Variants in EEA1 observed in about 807,000 individuals in gnomAD.
EEA1 encodes early endosome antigen 1.
EEA1 carries 111 observed loss-of-function variants against 209.2 expected under a neutral mutation model. The ratio of observed to expected loss-of-function variants is 0.53; its 90% CI spans 0.45 to 0.62. The LOEUF is 0.62. EEA1 is among the 20% of genes least tolerant of loss of function. The pLI, the probability that EEA1 is intolerant of heterozygous loss-of-function variation, is 0.00. For synonymous variants in EEA1, 536 were observed against 540.6 expected, an observed-to-expected ratio of 0.99 and a Z score of 0.12; for missense variants, 1,343 against 1,530.8, an observed-to-expected ratio of 0.88 and a Z score of 2.05.
intron 10 of EEA1, among the ~76,000 whole-genome samples, chr12:92,834,546 TAAAAAAAAAA>T: frequency 1.3e-5 from 1 of 74,430 alleles, no homozygotes; most frequent in African/African-American, 5.5e-5. Flanking sequence ...ACCCTGTCAC[TAAAAAAAAAA>T]AAAAAAAAAA....
chr12:92,789,445 ATATCCATGTATCTTCCTGATG>A (rs1239279731), intron 21 of EEA1, among the ~76,000 whole-genome samples: 1 of 152,092 alleles, frequency 6.6e-6, no homozygotes, highest in Non-Finnish European at 1.5e-5. Context: ...CTGGGTTCTT[ATATCCATGTATCTTCCTGATG>A]TCTCCACTTG....
chr12:92,776,015 C>G lies in EEA1; in HGVS notation c.4232G>C (p.Gly1411Ala), dbSNP rs369566982. 27 of 1,610,088 alleles carry G rather than the reference C, an allele frequency of 1.7e-5. No individual in the cohort carries two copies. The highest frequency in any genetic ancestry group is 2.3e-5 in the Non-Finnish European group (27 of 1,177,710). The change falls in exon 29 of 29, where the codon GGA (glycine) becomes GCA (alanine). Residue 1411 changes from glycine to alanine, a missense_variant. Coordinates refer to ENST00000322349, the MANE Select transcript of EEA1 (RefSeq NM_003566.4). The part of the protein sequence containing the change: ...VCDACFNDLQ[G>A] Reference sequence around the variant, plus strand: ...CTCTGAAGTTGTGATAACCCATTATCCTTGCAAGTCATTGAAACATGCATC... The same window carrying G: ...CTCTGAAGTTGTGATAACCCATTATGCTTGCAAGTCATTGAAACATGCATC...
intron 1 of EEA1, among the ~76,000 whole-genome samples, chr12:92,898,765 CA>C (rs1286375335): frequency 2.4e-5 from 2 of 83,622 alleles, no homozygotes; most frequent in South Asian, 4.2e-4. Flanking sequence ...TTTTTAGAGA[CA>C]GGGGTCTCAG....
At chr12:92,887,888 A>G (rs1879481243) in intron 2 of EEA1, among the ~76,000 whole-genome samples, 1 of 152,172 alleles carries the variant, frequency 6.6e-6, no homozygotes, top group Non-Finnish European at 1.5e-5. Flanking sequence ...GAATTTTCCA[A>G]AACACTTCAA....
intron 2 of EEA1, among the ~76,000 whole-genome samples, chr12:92,887,730 G>C (rs1166661599): frequency 2.0e-5 from 3 of 152,110 alleles, no homozygotes; most frequent in African/African-American, 7.2e-5. Context: ...CCCCAACTTA[G>C]AATAGTTTGA....
chr12:92,828,371 A>G (rs1876420923), intron 11 of EEA1, among the ~76,000 whole-genome samples: 1 of 152,104 alleles, frequency 6.6e-6, no homozygotes, highest in South Asian at 2.1e-4. Flanking sequence ...GGAACTTAAA[A>G]GAATAAAATA....
chr12:92,781,982 A>G lies in EEA1; in HGVS notation c.3304T>C (p.Cys1102Arg), dbSNP rs1873925250. The G allele has an allele frequency of 2.5e-6, 4 of 1,613,214 alleles. No individual in the cohort carries two copies. The highest frequency in any genetic ancestry group is 1.7e-6 in the Non-Finnish European group (2 of 1,179,426). The change falls in exon 23 of 29, where the codon TGT becomes CGT. Residue 1102 changes from cysteine (C) to arginine (R), a missense_variant. Cys to Arg is a radical substitution (Grantham distance 180). Around this residue, in one of 3 missense-constraint regions of EEA1, gnomAD observed 1,307 missense variants for 1,465.5 expected, o/e 0.89. Transcript: ENST00000322349. ...TTCTGAATGTCTTGTAGTGCTTTACATCGCTCCTGCAATTGCTGTTCTTTC... is the reference window on the plus strand; with the variant it reads ...TTCTGAATGTCTTGTAGTGCTTTACGTCGCTCCTGCAATTGCTGTTCTTTC... ...AKKEQQLQER[C>R]KALQDIQKEK...
At position 92,906,739 on chromosome 12, in the gene EEA1, A is replaced by G. The variant is rs1266888322; in HGVS notation, c.25-15018T>C. Among the ~76,000 whole-genome samples the G allele has an allele frequency of 7.2e-5, 11 of 152,192 alleles. No individual in the cohort carries two copies. The East Asian group carries it at 1.9e-3, about 27-fold the overall frequency. ...TGAGGCAGGAGAATGGCATGAACCC[A>G]GGAGGTGGAGCTTGCAGTGAGCCAA... On this transcript the variant is annotated intron_variant, in intron 1 of 28. Transcript: ENST00000322349.
intron 1 of EEA1, among the ~76,000 whole-genome samples, chr12:92,915,237 TGAGAGCATCACTTGAGCCAAGGA>T (rs1880722333): frequency 6.6e-6 from 1 of 151,998 alleles, no homozygotes; most frequent in African/African-American, 2.4e-5. Context: ...GATGCCAAGG[TGAGAGCATCACTTGAGCCAAGGA>T]GTTCAAGACT....
intron 1 of EEA1, among the ~76,000 whole-genome samples, chr12:92,907,278 A>G (rs1053040648): frequency 1.4e-4 from 22 of 152,222 alleles, no homozygotes; most frequent in African/African-American, 5.3e-4. Flanking sequence ...TTTCCAATTC[A>G]TATTTTCCTG....
intron 2 of EEA1, chr12:92,883,814 G>C: frequency 6.3e-7 from 1 of 1,589,716 alleles, no homozygotes; most frequent in East Asian, 2.2e-5. Context: ...GAACAGCTGA[G>C]GAAGCTCTTC....
Position 92,897,982 on chromosome 12 carries a change from GA to G in EEA1, c.25-6262del, listed in dbSNP as rs201742089. Among the ~76,000 whole-genome samples the G allele has an allele frequency of 9.5e-3, 1,449 of 152,234 alleles. 7 individuals are homozygous for G. Among genetic ancestry groups the G allele is most frequent in the Middle Eastern group, 0.02 (6 of 294 alleles). On this transcript the variant is annotated intron_variant, in intron 1 of 28. Coordinates refer to ENST00000322349, the MANE Select transcript of EEA1 (RefSeq NM_003566.4). Reference sequence around the variant, plus strand: ...TTTTTATATGCACTGTGAAACCAAAGAATTTATGTGACTCGTTTTATTGCGA... The same window carrying G: ...TTTTTATATGCACTGTGAAACCAAAGATTTATGTGACTCGTTTTATTGCGA...
Position 92,906,241 on chromosome 12 carries a change from G to A in EEA1, c.25-14520C>T, listed in dbSNP as rs145821543. On this transcript the variant is annotated intron_variant, in intron 1 of 28. Coordinates refer to ENST00000322349, the MANE Select transcript of EEA1 (RefSeq NM_003566.4). ...TGAGTAGCTGGGACTATAGGCACAT[G>A]CCACCACACCTGACTAATTTTTGTA... is the stretch of plus-strand genomic sequence containing the variant. Among the ~76,000 whole-genome samples, 543 of 151,966 alleles carry A rather than the reference G, an allele frequency of 3.6e-3. 2 individuals are homozygous for A. Among genetic ancestry groups the A allele is most frequent in the African/African-American group, 0.013 (521 of 41,458 alleles).
chr12:92,831,512 A>T (rs1448565849), intron 11 of EEA1, among the ~76,000 whole-genome samples: 1 of 148,210 alleles, frequency 6.7e-6, no homozygotes, highest in Non-Finnish European at 1.5e-5. Flanking sequence ...TATGATATGA[A>T]TAATATATGA....
intron 2 of EEA1, among the ~76,000 whole-genome samples, chr12:92,888,330 C>T (rs1285236263): frequency 6.6e-6 from 1 of 152,096 alleles, no homozygotes; most frequent in Non-Finnish European, 1.5e-5. Context: ...CCTGTAATGC[C>T]AGCACTTTGG....
intron 2 of EEA1, among the ~76,000 whole-genome samples, chr12:92,885,908 T>C (rs940112950): frequency 5.3e-5 from 8 of 152,088 alleles, no homozygotes; most frequent in African/African-American, 1.9e-4. Context: ...AACATCGACA[T>C]AGCCCACAAA....
intron 25 of EEA1, 92 bp from the exon 26 acceptor site, chr12:92,778,271 T>C (rs1873748942): frequency 3.0e-6 from 3 of 995,540 alleles, no homozygotes; most frequent in Admixed American, 2.5e-5. Context: ...ACTGGCAATT[T>C]GCTTCTTCGG....
intron 25 of EEA1, among the ~76,000 whole-genome samples, chr12:92,778,526 T>A (rs1342814522): frequency 6.6e-6 from 1 of 152,006 alleles, no homozygotes; most frequent in Admixed American, 6.6e-5. Flanking sequence ...TCGTCCCAAT[T>A]CCATATGCTT....
intron 19 of EEA1, among the ~76,000 whole-genome samples, chr12:92,802,086 A>G (rs1874942383): frequency 6.6e-6 from 1 of 152,092 alleles, no homozygotes; most frequent in Non-Finnish European, 1.5e-5. Context: ...TTAAGAAATG[A>G]TCACAATAGG....
Sources: allele counts gnomAD v4.1 joint callset (sites outside exome capture counted in the v4.1 genomes callset), GRCh38; gene constraint gnomAD v4.1.1; regional missense constraint gnomAD v4.1.1; transcripts MANE v1.5; gene names NCBI Gene and HGNC (gene_info 2026-07-23, HGNC 2026-07-21).